Variants in TBC1D25 observed in about 807,000 individuals in gnomAD.
The protein encoded by TBC1D25 is TBC1 domain family member 25.
TBC1D25 carries 13 observed loss-of-function variants against 38.8 expected under a neutral mutation model. The ratio of observed to expected loss-of-function variants is 0.34; its 90% CI spans 0.22 to 0.53. The LOEUF (loss-of-function observed/expected upper bound fraction) is 0.53, where lower values mean the gene tolerates loss of function less well. Ranked by LOEUF, TBC1D25 falls within the 20% of genes least tolerant of loss-of-function variation. TBC1D25 has a pLI of 0.94. For missense variants in TBC1D25, 372 were observed against 600.0 expected (o/e 0.62, Z 3.97); for synonymous variants, 225 against 255.6 (o/e 0.88, Z 1.14).
chrX:48,546,602 C>G (rs1324140600), intron 3 of TBC1D25, among the ~76,000 whole-genome samples: 4 of 111,990 alleles, frequency 3.6e-5, no homozygotes, highest in Non-Finnish European at 7.5e-5. Context: ...CTTAAAGGCC[C>G]CCACCTCTTA....
chrX:48,553,135 C>T (rs781992581), intron 3 of TBC1D25, among the ~76,000 whole-genome samples: 103 of 110,211 alleles, frequency 9.3e-4, no homozygotes, highest in African/African-American at 3.3e-3. Context: ...TGTTTTCTTA[C>T]TAACACACTA....
At chrX:48,547,338 G>C (rs1367626665) in intron 3 of TBC1D25, among the ~76,000 whole-genome samples, 2 of 112,042 alleles carry the variant, frequency 1.8e-5, no homozygotes, top group Non-Finnish European at 3.8e-5. Flanking sequence ...ACAAGAGTCA[G>C]AGGGAAAGAT....
intron 3 of TBC1D25, among the ~76,000 whole-genome samples, chrX:48,550,399 T>C (rs189436547): frequency 2.7e-5 from 3 of 111,072 alleles, no homozygotes; most frequent in East Asian, 2.8e-4. Flanking sequence ...GGGCTTTCTA[T>C]TGCATTCTAC....
chrX:48,559,482 C>G, intron 5 of TBC1D25, 132 bp from the exon 6 acceptor site: 1 of 1,061,119 alleles, frequency 9.4e-7, no homozygotes, highest in East Asian at 3.3e-5. Context: ...TAAGGAGGGG[C>G]GAGCAGTCGG....
At chrX:48,545,062 C>A in intron 3 of TBC1D25, 39 bp downstream of exon 3, 1 of 1,200,015 alleles carries the variant, frequency 8.3e-7, no homozygotes, top group Non-Finnish European at 1.1e-6. Flanking sequence ...GCTCTGGAAC[C>A]CCTTTACCCC....
At chrX:48,540,297 C>T (rs2061828677) in intron 1 of TBC1D25, among the ~76,000 whole-genome samples, 1 of 111,569 alleles carries the variant, frequency 9.0e-6, no homozygotes, top group Admixed American at 9.5e-5. Context: ...CACTTATGTG[C>T]AAGTTCCCAC....
intron 3 of TBC1D25, among the ~76,000 whole-genome samples, chrX:48,545,872 A>G (rs2061879265): frequency 1.8e-5 from 2 of 111,581 alleles, no homozygotes; most frequent in Admixed American, 9.6e-5. Context: ...CTCACATGAC[A>G]GAAGAGCAGA....
At chrX:48,553,504 A>C (rs2147186034) in intron 3 of TBC1D25, among the ~76,000 whole-genome samples, 3 of 108,412 alleles carry the variant, frequency 2.8e-5, no homozygotes, top group African/African-American at 1.0e-4. Context: ...GCTGTGAGCT[A>C]CTGTCTTATT....
chrX:48,553,624 T>TC (rs1173818496), intron 3 of TBC1D25, among the ~76,000 whole-genome samples: 3 of 95,009 alleles, frequency 3.2e-5, no homozygotes, highest in Non-Finnish European at 4.2e-5. Flanking sequence ...TTCTTTTTTT[T>TC]TTTTTTTTTT....
In TBC1D25 at chrX:48,560,828, T is replaced by C. The variant is rs1556986163; in HGVS notation, c.1920T>C (p.Tyr640=). 4 of 1,212,497 alleles carry C rather than the reference T, an allele frequency of 3.3e-6. No homozygotes were observed. The highest frequency in any genetic ancestry group is 4.5e-6 in the Non-Finnish European group (4 of 895,675). The change falls in exon 6 of 6, where the codon TAT becomes TAC. Residue 640 remains tyrosine (Y), a synonymous_variant. Coordinates refer to ENST00000376771, the MANE Select transcript of TBC1D25 (RefSeq NM_002536.4). ...ACATCATGCGCAATGGGCTGGATTA[T>C]AATGAGCTGGCCATGCACTTTGACC... ...RDHIMRNGLD[Y]NELAMHFDRL... is the part of the protein sequence containing the mutation.
Position 48,545,010 on chromosome X carries a change from G to A in TBC1D25, c.375G>A (p.Arg125=). The A allele has an allele frequency of 2.5e-6, 3 of 1,203,940 alleles. No homozygotes were observed. The highest frequency in any genetic ancestry group is 1.8e-5 in the South Asian group (1 of 56,661). ...KPYLQLRVDI[R]PSEDSPLLED... ...ACCTGCAATTGCGTGTAGATATTCG[G>A]CCCTCGGAGGACAGTGAGTACTCAG... The change falls in exon 3 of 6, where the codon CGG becomes CGA. Residue 125 remains arginine (R), a synonymous_variant. Coordinates refer to ENST00000376771, the MANE Select transcript of TBC1D25 (RefSeq NM_002536.4).
At chrX:48,552,012 C>T (rs1351223949) in intron 3 of TBC1D25, among the ~76,000 whole-genome samples, 1 of 111,011 alleles carries the variant, frequency 9.0e-6, no homozygotes, top group Non-Finnish European at 1.9e-5. Context: ...TTGAGTGATG[C>T]TTTTTCTGAC....
intron 3 of TBC1D25, among the ~76,000 whole-genome samples, chrX:48,552,143 C>T (rs782700840): frequency 3.6e-5 from 4 of 111,236 alleles, no homozygotes; most frequent in Non-Finnish European, 7.5e-5. Context: ...CTCGTAAAAA[C>T]GTCATAGCAG....
intron 3 of TBC1D25, among the ~76,000 whole-genome samples, chrX:48,552,630 C>G (rs782532125): frequency 9.1e-6 from 1 of 110,307 alleles, no homozygotes; most frequent in African/African-American, 3.3e-5. Context: ...GGATTATAGT[C>G]GTGAGTCACT....
intron 3 of TBC1D25, among the ~76,000 whole-genome samples, chrX:48,552,378 G>A (rs2061942011): frequency 1.1e-5 from 1 of 94,297 alleles, no homozygotes; most frequent in Admixed American, 1.2e-4. Flanking sequence ...TTTTTGAGAT[G>A]GAGTTTCGCT....
chrX:48,544,936 C>G lies in TBC1D25; in HGVS notation c.301C>G (p.Leu101Val). The part of the protein sequence containing the change: ...RLGQEVYLSL[L>V]SDWDLSTAFA... ...AGGACAGGAAGTTTACCTCTCACTT[C>G]TATCTGACTGGGACCTCAGCACAGC... Residue 101 changes from leucine (L) to valine (V), a missense_variant, in exon 3 of 6, where the codon CTA (leucine) becomes GTA (valine). By Grantham distance (32) the Leu-to-Val change is conservative. This residue lies in a region of TBC1D25 where 312 missense variants were observed against 549.3 expected (regional missense o/e 0.57). Transcript: ENST00000376771. 8.2e-7 allele frequency: 1 copy of G among 1,212,142 alleles called. No homozygotes were observed. Among genetic ancestry groups the G allele is most frequent in the Non-Finnish European group, 1.1e-6 (1 of 895,592 alleles).
At chrX:48,558,520 T>C (rs1165616503) in intron 3 of TBC1D25, among the ~76,000 whole-genome samples, 1 of 112,135 alleles carries the variant, frequency 8.9e-6, no homozygotes, top group Non-Finnish European at 1.9e-5. Context: ...AAGTGACTAT[T>C]GCATGAGTCA....
intron 3 of TBC1D25, among the ~76,000 whole-genome samples, chrX:48,547,702 C>T (rs1176400088): frequency 7.2e-5 from 8 of 111,390 alleles, no homozygotes; most frequent in African/African-American, 6.5e-5. Flanking sequence ...TTTGGGAGGC[C>T]GAGGCGGGTG....
At chrX:48,539,987 A>G (rs1169565510) in intron 1 of TBC1D25, 67 bp downstream of exon 1, 1 of 941,426 alleles carries the variant, frequency 1.1e-6, no homozygotes, top group Non-Finnish European at 1.3e-6. Context: ...GGTGGCTGTC[A>G]TAGGATGGAG....
Sources: gnomAD v4.1 joint callset for allele counts (sites outside exome capture counted in the v4.1 genomes callset) on GRCh38, gnomAD v4.1.1 for gene constraint, gnomAD v4.1.1 regional missense constraint, MANE v1.5 for transcripts, NCBI Gene and HGNC (gene_info 2026-07-23, HGNC 2026-07-21) for gene names.